The following SV2C variants were observed in gnomAD, a reference collection of about 807,000 sequenced individuals.
The protein encoded by SV2C is synaptic vesicle glycoprotein 2C.
A neutral mutation model predicts 79.7 loss-of-function variants in SV2C; 49 were observed. The ratio of observed to expected loss-of-function variants is 0.61; its 90% confidence interval spans 0.49 to 0.78. SV2C has a LOEUF of 0.78. Ranked by LOEUF, SV2C falls within the 30% of genes least tolerant of loss-of-function variation. The pLI is 0.00. For missense variants in SV2C, 833 were observed against 912.9 expected, an observed-to-expected ratio of 0.91 and a Z score of 1.13; for synonymous variants, 334 against 333.2, an observed-to-expected ratio of 1.00 and a Z score of -0.03.
At chr5:76,279,258 T>C (rs571565926) in intron 4 of SV2C, among the ~76,000 whole-genome samples, 37 of 152,278 alleles carry the variant, frequency 2.4e-4, no homozygotes, top group African/African-American at 8.7e-4. Flanking sequence ...CAGGTCGAGG[T>C]ATATTTCTGG....
chr5:76,177,874 T>G (rs1309289772), intron 2 of SV2C, among the ~76,000 whole-genome samples: 2 of 152,244 alleles, frequency 1.3e-5, no homozygotes, highest in Non-Finnish European at 2.9e-5. Context: ...TTTCTTGTTC[T>G]GTTCCTCTAA....
chr5:75,892,755 G>C, the SV2C span, among the ~76,000 whole-genome samples: 1 of 152,078 alleles, frequency 6.6e-6, no homozygotes, highest in African/African-American at 2.4e-5. Flanking sequence ...TTCTGCAAAA[G>C]ACATGATTTT....
At chr5:75,907,213 A>C in the SV2C span, among the ~76,000 whole-genome samples, 2,516 of 152,266 alleles carry the variant, frequency 0.017, 35 homozygotes, top group African/African-American at 0.043. Context: ...TTGGGAGAAA[A>C]TGTGTGCTCA....
At chr5:76,004,418 C>A in the SV2C span, among the ~76,000 whole-genome samples, 486 of 152,200 alleles carry the variant, frequency 3.2e-3, 2 homozygotes, top group African/African-American at 9.5e-3. Context: ...ATGGGACCTA[C>A]CTTCTAGGAT....
At chr5:75,852,693 G>T in the SV2C span, among the ~76,000 whole-genome samples, 1 of 152,004 alleles carries the variant, frequency 6.6e-6, no homozygotes, top group African/African-American at 2.4e-5. Flanking sequence ...GGGCGTGGTG[G>T]CAGGTGCCTG....
At chr5:76,130,438 A>G (rs1257374538) in intron 1 of SV2C, among the ~76,000 whole-genome samples, 1 of 152,330 alleles carries the variant, frequency 6.6e-6, no homozygotes, top group South Asian at 2.1e-4. Context: ...TATGTTAGTA[A>G]TAGCTACTTT....
rs571747015 is a variant in SV2C at position 76,128,350 on chromosome 5, C to T, written c.-101-3300C>T. 2.0e-5 allele frequency among the ~76,000 whole-genome samples: 3 copies of T among 152,276 alleles called. No homozygotes were observed. In the South Asian group the frequency reaches 6.2e-4, roughly 32 times the overall value. On this transcript the variant is annotated intron_variant, in intron 1 of 12. Coordinates refer to ENST00000502798, the MANE Select transcript of SV2C (RefSeq NM_014979.4). Reference sequence around the variant, plus strand: ...TGATTAAAGGTCTCACAACAATTCTCTTTACTTCAGAATGTAGAAGACAAT... The same window carrying T: ...TGATTAAAGGTCTCACAACAATTCTTTTTACTTCAGAATGTAGAAGACAAT...
chr5:75,960,305 G>C, the SV2C span, among the ~76,000 whole-genome samples: 1 of 151,816 alleles, frequency 6.6e-6, no homozygotes, highest in Admixed American at 6.6e-5. Flanking sequence ...TTTACAATCT[G>C]TTTCTAATAC....
At chr5:76,078,940 A>T, upstream of SV2C, 1 of 532,922 alleles carries the variant, frequency 1.9e-6, no homozygotes, top group Non-Finnish European at 3.7e-6. Flanking sequence ...CAGCCTTTCA[A>T]ACAATGTAGA....
chr5:76,023,859 T>A, the SV2C span, among the ~76,000 whole-genome samples: 1 of 151,830 alleles, frequency 6.6e-6, no homozygotes, highest in Middle Eastern at 3.2e-3. Context: ...TTATTGATAT[T>A]TTGGGCCAGA....
At chr5:76,269,041 A>G (rs1360347784) in intron 4 of SV2C, among the ~76,000 whole-genome samples, 2 of 152,212 alleles carry the variant, frequency 1.3e-5, no homozygotes, top group Non-Finnish European at 2.9e-5. Flanking sequence ...TACCTCACCT[A>G]TGACATGGAT....
intron 1 of SV2C, among the ~76,000 whole-genome samples, chr5:76,084,413 G>T (rs1343198486): frequency 6.6e-6 from 1 of 152,132 alleles, no homozygotes; most frequent in African/African-American, 2.4e-5. Context: ...TCTAGAACTG[G>T]GAAGACTTTT....
At chr5:76,023,012 G>A in the SV2C span, among the ~76,000 whole-genome samples, 1 of 152,110 alleles carries the variant, frequency 6.6e-6, no homozygotes, top group African/African-American at 2.4e-5. Context: ...GGTGGTTTCT[G>A]CCCCTGTAGA....
At chr5:76,156,264 C>T (rs1742723808) in intron 2 of SV2C, among the ~76,000 whole-genome samples, 1 of 152,068 alleles carries the variant, frequency 6.6e-6, no homozygotes, top group African/African-American at 2.4e-5. Flanking sequence ...TTGCCAAAGC[C>T]CTATTAGGGT....
chr5:75,865,711 T>C, the SV2C span, among the ~76,000 whole-genome samples: 1 of 152,190 alleles, frequency 6.6e-6, no homozygotes. Context: ...GGGAGAAGCA[T>C]GTGGACCAAC....
intron 4 of SV2C, among the ~76,000 whole-genome samples, chr5:76,227,458 G>A (rs1745287843): frequency 1.3e-5 from 2 of 151,980 alleles, no homozygotes; most frequent in Admixed American, 6.5e-5. Context: ...GCCTTCCTAG[G>A]GCATCCTACC....
chr5:76,043,119 C>T, the SV2C span, among the ~76,000 whole-genome samples: 1 of 152,158 alleles, frequency 6.6e-6, no homozygotes, highest in Admixed American at 6.5e-5. Context: ...CACGCAATAA[C>T]GAAGTTTACA....
the SV2C span, among the ~76,000 whole-genome samples, chr5:75,891,894 T>G: frequency 6.6e-6 from 1 of 152,022 alleles, no homozygotes; most frequent in African/African-American, 2.4e-5. Flanking sequence ...TGCAGAGATC[T>G]ATCGGATGCT....
the SV2C span, among the ~76,000 whole-genome samples, chr5:75,906,919 C>T: frequency 6.6e-6 from 1 of 152,144 alleles, no homozygotes; most frequent in Non-Finnish European, 1.5e-5. Flanking sequence ...TACTGAACAT[C>T]CTAGAATGTA....
Sources: allele counts gnomAD v4.1 joint callset (sites outside exome capture counted in the v4.1 genomes callset), GRCh38; gene constraint gnomAD v4.1.1; transcripts MANE v1.5; gene names NCBI Gene and HGNC (gene_info 2026-07-23, HGNC 2026-07-21).